NCKAP5: variants seen among roughly 807,000 people sequenced by gnomAD.
NCKAP5 encodes nck-associated protein 5.
NCKAP5 carries 92 observed loss-of-function variants against 167.0 expected under a neutral mutation model. That is an observed-to-expected ratio of 0.55 (90% CI 0.47 to 0.66). NCKAP5 has a LOEUF of 0.66. Ranked by LOEUF, NCKAP5 falls within the 30% of genes least tolerant of loss-of-function variation. NCKAP5 has a pLI of 0.00. For synonymous variants in NCKAP5, 891 were observed against 877.4 expected (o/e 1.02, Z -0.27); for missense variants, 2,378 against 2,315.0 (o/e 1.03, Z -0.56).
intron 16 of NCKAP5, among the ~76,000 whole-genome samples, chr2:132,759,783 G>A (rs1002141245): frequency 1.3e-5 from 2 of 151,596 alleles, no homozygotes; most frequent in Admixed American, 6.6e-5. Context: ...CTTTTAACTA[G>A]AGATTTTAGT....
At chr2:132,723,873 C>T (rs1690190649) in intron 19 of NCKAP5, among the ~76,000 whole-genome samples, 1 of 152,214 alleles carries the variant, frequency 6.6e-6, no homozygotes, top group Admixed American at 6.5e-5. Context: ...CCTTTTTAAA[C>T]TTTGCACGTC....
chr2:133,155,118 C>T (rs1343108697), intron 5 of NCKAP5, among the ~76,000 whole-genome samples: 7 of 152,178 alleles, frequency 4.6e-5, no homozygotes, highest in Admixed American at 4.6e-4. Context: ...CTACTCTCTC[C>T]CACTCTGATT....
intron 16 of NCKAP5, among the ~76,000 whole-genome samples, chr2:132,756,873 CT>C (rs112450681): frequency 1.8e-3 from 279 of 152,266 alleles, no homozygotes; most frequent in Middle Eastern, 6.8e-3. Flanking sequence ...CAGAAACTCA[CT>C]TTAAAATATA....
chr2:133,368,543 A>G (rs182505287), intron 3 of NCKAP5, among the ~76,000 whole-genome samples: 17 of 152,326 alleles, frequency 1.1e-4, no homozygotes, highest in African/African-American at 4.1e-4. Context: ...TCCCTCAGGG[A>G]CCAAGTGATT....
chr2:132,907,324 G>A (rs535551308), intron 8 of NCKAP5, among the ~76,000 whole-genome samples: 1 of 152,262 alleles, frequency 6.6e-6, no homozygotes, highest in Non-Finnish European at 1.5e-5. Context: ...ATACCTTGAG[G>A]ACACACCTGG....
At chr2:132,699,936 A>G (rs1483634514) in intron 19 of NCKAP5, among the ~76,000 whole-genome samples, 1 of 152,224 alleles carries the variant, frequency 6.6e-6, no homozygotes, top group African/African-American at 2.4e-5. Flanking sequence ...ACTAGCTTAC[A>G]GTCCCACCAA....
At chr2:133,424,494 T>A (rs1364684381) in intron 3 of NCKAP5, among the ~76,000 whole-genome samples, 1 of 152,216 alleles carries the variant, frequency 6.6e-6, no homozygotes, top group Non-Finnish European at 1.5e-5. Context: ...GAAATAGCTA[T>A]CATTTGTAGC....
At chr2:133,567,781 A>T (rs1688673258) in intron 1 of NCKAP5, among the ~76,000 whole-genome samples, 1 of 151,844 alleles carries the variant, frequency 6.6e-6, no homozygotes, top group Admixed American at 6.6e-5. Flanking sequence ...AAACCACAGA[A>T]AGAATCAGAG....
rs745624298 is a variant in NCKAP5 at position 133,307,602 on chromosome 2, T to C, written c.70-4492A>G. ...AGCTTCCAGCCACCCCAAATGCCCA[T>C]TGAAATTAGTTTATAGACAAACCAT... On this transcript the variant is annotated intron_variant, in intron 3 of 19. Coordinates refer to ENST00000409261, the MANE Select transcript of NCKAP5 (RefSeq NM_207363.3). Among the ~76,000 whole-genome samples, 11 of 152,192 alleles carry C rather than the reference T, an allele frequency of 7.2e-5. No homozygotes were observed. In the East Asian group the frequency reaches 1.3e-3, roughly 19 times the overall value.
At chr2:133,471,315 C>G (rs1679280338) in intron 3 of NCKAP5, among the ~76,000 whole-genome samples, 1 of 152,092 alleles carries the variant, frequency 6.6e-6, no homozygotes, top group Non-Finnish European at 1.5e-5. Flanking sequence ...CTTTTTTAGA[C>G]TGTATTGGAT....
intron 8 of NCKAP5, among the ~76,000 whole-genome samples, chr2:132,911,946 G>A (rs1359409867): frequency 1.3e-5 from 2 of 151,920 alleles, no homozygotes; most frequent in African/African-American, 4.8e-5. Flanking sequence ...CTGGTGGTTG[G>A]AGGCACGCCC....
intron 2 of NCKAP5, among the ~76,000 whole-genome samples, chr2:133,534,266 A>G (rs1371257439): frequency 6.6e-6 from 1 of 152,198 alleles, no homozygotes; most frequent in African/African-American, 2.4e-5. Context: ...AAATATTTTG[A>G]TCAATATCAC....
Position 132,762,513 on chromosome 2 carries a change from G to C in NCKAP5, c.5128+11303C>G, listed in dbSNP as rs189166799. 9.2e-5 allele frequency among the ~76,000 whole-genome samples: 14 copies of C among 152,258 alleles called. 1 individual carries two copies. The East Asian group carries it at 2.7e-3, about 29-fold the overall frequency. ...CCCAACTTTGTACTTTAGAGCAATAGGCCTTGGAAATGGGTGGGGAAAGGG... is the reference window on the plus strand; with the variant it reads ...CCCAACTTTGTACTTTAGAGCAATACGCCTTGGAAATGGGTGGGGAAAGGG... On this transcript the variant is annotated intron_variant, in intron 16 of 19. Coordinates refer to ENST00000409261, the MANE Select transcript of NCKAP5 (RefSeq NM_207363.3).
intron 6 of NCKAP5, among the ~76,000 whole-genome samples, chr2:133,057,957 G>T (rs74870991): frequency 0.011 from 1,631 of 152,290 alleles, 19 homozygotes; most frequent in African/African-American, 0.036. Context: ...TTAGGTTAAA[G>T]CCAGTGCTCA....
chr2:133,496,110 T>C (rs1681924736), intron 3 of NCKAP5, among the ~76,000 whole-genome samples: 1 of 152,230 alleles, frequency 6.6e-6, no homozygotes, highest in Non-Finnish European at 1.5e-5. Flanking sequence ...ATGCAGACGT[T>C]ACTTGCTTAA....
chr2:133,186,493 T>C (rs1412946146), intron 5 of NCKAP5, among the ~76,000 whole-genome samples: 2 of 152,180 alleles, frequency 1.3e-5, no homozygotes, highest in Non-Finnish European at 2.9e-5. Context: ...GAGAAGCCCC[T>C]GCTCCTCAAT....
intron 13 of NCKAP5, among the ~76,000 whole-genome samples, chr2:132,786,559 C>T (rs1320177496): frequency 6.6e-6 from 1 of 152,104 alleles, no homozygotes; most frequent in Admixed American, 6.6e-5. Context: ...AAATGCCAGC[C>T]TCAGCTTTGG....
chr2:132,895,122 G>A (rs1444384435), intron 8 of NCKAP5, among the ~76,000 whole-genome samples: 1 of 151,976 alleles, frequency 6.6e-6, no homozygotes, highest in Non-Finnish European at 1.5e-5. Context: ...ACAAGGTCAG[G>A]AGATGGAGAC....
At chr2:133,613,017 A>G in the NCKAP5 span, among the ~76,000 whole-genome samples, 1 of 152,188 alleles carries the variant, frequency 6.6e-6, no homozygotes, top group Non-Finnish European at 1.5e-5. Context: ...ACAGTTTCTG[A>G]GGGCTAAGAG....
Sources: gnomAD v4.1 joint callset for allele counts (sites outside exome capture counted in the v4.1 genomes callset) on GRCh38, gnomAD v4.1.1 for gene constraint, MANE v1.5 for transcripts, NCBI Gene and HGNC (gene_info 2026-07-23, HGNC 2026-07-21) for gene names.